ZHX2: variants seen among roughly 807,000 people sequenced by gnomAD.
ZHX2 encodes the protein zinc fingers and homeoboxes protein 2.
ZHX2 carries 6 observed loss-of-function variants against 21.9 expected under a neutral mutation model. That is an observed-to-expected ratio of 0.27 (90% CI 0.15 to 0.54). The LOEUF (loss-of-function observed/expected upper bound fraction) is 0.54. ZHX2 is among the 20% of genes least tolerant of loss of function. ZHX2 has a pLI of 0.95. For missense variants in ZHX2, 908 were observed against 1,090.7 expected (o/e 0.83, Z 2.36); for synonymous variants, 434 against 437.1 (o/e 0.99, Z 0.09).
At chr8:122,792,299 A>G (rs1330026488) in intron 1 of ZHX2, among the ~76,000 whole-genome samples, 4 of 152,170 alleles carry the variant, frequency 2.6e-5, no homozygotes, top group African/African-American at 7.2e-5. Flanking sequence ...TCCGCGTTGT[A>G]GCATGTATTA....
At chr8:122,888,772 C>T (rs1232212625) in intron 2 of ZHX2, among the ~76,000 whole-genome samples, 2 of 152,192 alleles carry the variant, frequency 1.3e-5, no homozygotes, top group Admixed American at 1.3e-4. Flanking sequence ...CGTGAGCCAC[C>T]GCGCACAGCC....
intron 2 of ZHX2, among the ~76,000 whole-genome samples, chr8:122,928,246 TA>T (rs1820902880): frequency 6.6e-6 from 1 of 152,124 alleles, no homozygotes; most frequent in Non-Finnish European, 1.5e-5. Flanking sequence ...AATGAGTGGA[TA>T]AGAACCCGAC....
chr8:122,820,462 C>T (rs1586587168), intron 1 of ZHX2, among the ~76,000 whole-genome samples: 1 of 152,302 alleles, frequency 6.6e-6, no homozygotes, highest in East Asian at 1.9e-4. Flanking sequence ...AAATAGCACC[C>T]GCCTCCCTCC....
At chr8:122,852,878 G>A (rs1194208614) in intron 1 of ZHX2, among the ~76,000 whole-genome samples, 3 of 152,068 alleles carry the variant, frequency 2.0e-5, no homozygotes, top group Non-Finnish European at 4.4e-5. Flanking sequence ...GGGTGCATGT[G>A]TCCCCTCATT....
intron 2 of ZHX2, among the ~76,000 whole-genome samples, chr8:122,883,941 G>C (rs755480342): frequency 3.3e-5 from 5 of 152,170 alleles, no homozygotes; most frequent in African/African-American, 4.8e-5. Context: ...ATGTAATGAC[G>C]GGAATACGCT....
chr8:122,864,032 A>G (rs1395467633), intron 2 of ZHX2, among the ~76,000 whole-genome samples: 1 of 151,968 alleles, frequency 6.6e-6, no homozygotes, highest in Non-Finnish European at 1.5e-5. Flanking sequence ...CTAAGGAAAC[A>G]TTCCTAACAG....
At chr8:122,824,040 A>G (rs749149950) in intron 1 of ZHX2, among the ~76,000 whole-genome samples, 2 of 152,180 alleles carry the variant, frequency 1.3e-5, no homozygotes, top group Admixed American at 6.5e-5. Flanking sequence ...TCCTCCATAT[A>G]TAATTCTGTT....
At chr8:122,922,759 A>G (rs1413517549) in intron 2 of ZHX2, among the ~76,000 whole-genome samples, 1 of 152,194 alleles carries the variant, frequency 6.6e-6, no homozygotes, top group Non-Finnish European at 1.5e-5. Flanking sequence ...ATTGCTCAAC[A>G]TCTCTGAGCT....
At chr8:122,884,152 A>T (rs1208896595) in intron 2 of ZHX2, among the ~76,000 whole-genome samples, 1 of 152,216 alleles carries the variant, frequency 6.6e-6, no homozygotes, top group Non-Finnish European at 1.5e-5. Flanking sequence ...GTGTGTCTAA[A>T]CATATCTAAA....
chr8:122,856,443 C>G (rs1188484317), intron 1 of ZHX2, among the ~76,000 whole-genome samples: 1 of 152,052 alleles, frequency 6.6e-6, no homozygotes, highest in East Asian at 1.9e-4. Flanking sequence ...AGGTTGATCT[C>G]CTTACTGTTG....
chr8:122,937,132 C>T (rs1389384420), intron 2 of ZHX2, among the ~76,000 whole-genome samples: 2 of 152,208 alleles, frequency 1.3e-5, no homozygotes, highest in African/African-American at 4.8e-5. Context: ...CGGGGAGGCC[C>T]AGGGCTCAGG....
chr8:122,893,961 C>T (rs1264045886), intron 2 of ZHX2, among the ~76,000 whole-genome samples: 1 of 152,198 alleles, frequency 6.6e-6, no homozygotes, highest in East Asian at 1.9e-4. Context: ...ATTTTATATT[C>T]ATAGGCAAAG....
Position 122,813,628 on chromosome 8 carries a change from A to G in ZHX2, c.-283+31682A>G, listed in dbSNP as rs1321774365. Among the ~76,000 whole-genome samples the G allele has an allele frequency of 2.0e-5, 3 of 152,234 alleles. No homozygotes were observed. In the East Asian group the frequency reaches 5.8e-4, roughly 29 times the overall value. ...ACAGGTTGAATATCTCTTATCCAAC[A>G]TGGTTGGGACCAGAAGTGTTTCAGA... On this transcript the variant is annotated intron_variant, in intron 1 of 3. Transcript: ENST00000314393.
chr8:122,799,255 G>C (rs1817670639), intron 1 of ZHX2, among the ~76,000 whole-genome samples: 1 of 152,142 alleles, frequency 6.6e-6, no homozygotes. Flanking sequence ...TCCCCACGCA[G>C]CTGCAAGGTT....
intron 2 of ZHX2, among the ~76,000 whole-genome samples, chr8:122,934,545 C>A (rs1487741801): frequency 6.6e-6 from 1 of 152,198 alleles, no homozygotes; most frequent in East Asian, 1.9e-4. Flanking sequence ...TATGGACCTT[C>A]TTGATTCTGG....
chr8:122,851,237 T>C (rs377168048), intron 1 of ZHX2, among the ~76,000 whole-genome samples: 5 of 151,978 alleles, frequency 3.3e-5, no homozygotes, highest in East Asian at 3.9e-4. Context: ...AGAAGAAAGG[T>C]GGATAATTTG....
rs537797376 is a variant in ZHX2, at chr8:122,888,242, AT to A, written c.-220+24714del. ...TCCAGAAACACAGAAACGGCCCTTG[AT>A]TTTTTTTTTTGTTTTTCTTTTTTTA... On this transcript the variant is annotated intron_variant, in intron 2 of 3. Coordinates refer to ENST00000314393, the MANE Select transcript of ZHX2 (RefSeq NM_014943.5). 5.4e-3 allele frequency among the ~76,000 whole-genome samples: 795 copies of A among 146,840 alleles called. 1 individual carries two copies. The highest frequency in any genetic ancestry group is 0.015 in the East Asian group (75 of 5,014).
intron 2 of ZHX2, among the ~76,000 whole-genome samples, chr8:122,943,016 T>C (rs747844387): frequency 6.6e-6 from 1 of 151,882 alleles, no homozygotes; most frequent in African/African-American, 2.4e-5. Flanking sequence ...AATCCCAGCA[T>C]TTTGGGAGGC....
intron 1 of ZHX2, among the ~76,000 whole-genome samples, chr8:122,842,877 C>A (rs955794458): frequency 6.6e-6 from 1 of 152,246 alleles, no homozygotes; most frequent in Non-Finnish European, 1.5e-5. Context: ...TCAGTGGGCA[C>A]TGAATCACCT....
Sources: allele counts gnomAD v4.1 joint callset (sites outside exome capture counted in the v4.1 genomes callset), GRCh38; gene constraint gnomAD v4.1.1; transcripts MANE v1.5; gene names NCBI Gene and HGNC (gene_info 2026-07-23, HGNC 2026-07-21).